Variants in C10orf71 observed in about 807,000 individuals in gnomAD.
C10orf71 encodes chromosome 10 open reading frame 71.
For missense variants in C10orf71, 1,869 were observed against 1,804.5 expected (o/e 1.04, Z -0.65); for synonymous variants, 758 against 726.3 (o/e 1.04, Z -0.70).
intron 2 of C10orf71, among the ~76,000 whole-genome samples, chr10:49,319,765 TG>T (rs1849064271): frequency 6.3e-5 from 2 of 31,716 alleles, no homozygotes; most frequent in Non-Finnish European, 1.3e-4. Context: ...TATATGTATA[TG>T]TATATCACAC....
chr10:49,315,025 C>T (rs765787420), intron 1 of C10orf71, among the ~76,000 whole-genome samples: 2 of 152,042 alleles, frequency 1.3e-5, no homozygotes, highest in Non-Finnish European at 2.9e-5. Flanking sequence ...ATATGGGTCA[C>T]GATGTATGAA....
intron 1 of C10orf71, among the ~76,000 whole-genome samples, chr10:49,303,879 T>C (rs957168118): frequency 2.0e-5 from 3 of 152,216 alleles, no homozygotes; most frequent in Non-Finnish European, 4.4e-5. Context: ...TGAGCCGCCT[T>C]ACCCCTGCTG....
intron 1 of C10orf71, among the ~76,000 whole-genome samples, chr10:49,306,943 A>G (rs1214888285): frequency 3.3e-5 from 5 of 152,316 alleles, no homozygotes; most frequent in Non-Finnish European, 1.5e-5. Context: ...AAGGAGGTGC[A>G]AGGGTAAGAA....
At chr10:49,298,893 T>C (rs1848677982), upstream of C10orf71, 1 of 152,216 alleles carries the variant, frequency 6.6e-6, no homozygotes, top group Non-Finnish European at 1.5e-5. Context: ...CTCTGGGCTC[T>C]GGCTCCAAGG....
intron 2 of C10orf71, among the ~76,000 whole-genome samples, chr10:49,317,008 T>C (rs771419192): frequency 3.9e-5 from 6 of 152,222 alleles, no homozygotes; most frequent in Admixed American, 6.5e-5. Flanking sequence ...TGACTCTATC[T>C]AAGCTTCTAA....
chr10:49,302,122 T>C (rs1848739159), intron 1 of C10orf71, among the ~76,000 whole-genome samples: 1 of 152,116 alleles, frequency 6.6e-6, no homozygotes, highest in Admixed American at 6.5e-5. Context: ...AAGGGGAGGC[T>C]CTCCAATTTG....
intron 1 of C10orf71, among the ~76,000 whole-genome samples, chr10:49,315,155 CAG>C (rs1237087582): frequency 1.3e-5 from 2 of 152,174 alleles, no homozygotes; most frequent in Non-Finnish European, 2.9e-5. Context: ...GTGGTAGACA[CAG>C]AGCACCTCTG....
Position 49,327,144 on chromosome 10 carries a change from CCCTT to C in C10orf71, c.*295_*298del. ...TCTACTCCAGCCCTTCTCCCTCCCT[CCCTT>C]CCTCCCTCTCCTGGCCCACCCTGCT... On this transcript the variant is annotated 3_prime_UTR_variant, in exon 3 of 3. Coordinates refer to ENST00000374144, the MANE Select transcript of C10orf71 (RefSeq NM_001135196.2). 1 of 966,648 alleles carries C rather than the reference CCCTT, an allele frequency of 1.0e-6. No individual in the cohort carries two copies. Among genetic ancestry groups the C allele is most frequent in the South Asian group, 1.6e-5 (1 of 61,026 alleles). The allele number at this position is 966,648 out of a possible 1,614,324, so 59.9% of individuals were successfully genotyped here.
chr10:49,311,647 T>C (rs1384080872), intron 1 of C10orf71, among the ~76,000 whole-genome samples: 1 of 152,066 alleles, frequency 6.6e-6, no homozygotes, highest in Non-Finnish European at 1.5e-5. Context: ...ATGTAAGTGA[T>C]AAAAAGGGAA....
intron 2 of C10orf71, among the ~76,000 whole-genome samples, chr10:49,317,925 A>G (rs1352634569): frequency 1.3e-5 from 2 of 152,192 alleles, no homozygotes; most frequent in African/African-American, 2.4e-5. Context: ...AGGGAAGATG[A>G]TGTGAAGACA....
intron 1 of C10orf71, among the ~76,000 whole-genome samples, chr10:49,306,020 A>G (rs1409292604): frequency 6.6e-6 from 1 of 152,228 alleles, no homozygotes; most frequent in Non-Finnish European, 1.5e-5. Context: ...CCATGATGTA[A>G]ATGCATTTCT....
At chr10:49,297,213 C>G (rs1426271047), upstream of C10orf71, among the ~76,000 whole-genome samples, 6 of 152,224 alleles carry the variant, frequency 3.9e-5, no homozygotes, top group African/African-American at 1.4e-4. Flanking sequence ...AGACCAGCGG[C>G]CCTGCCGAAG....
Position 49,324,240 on chromosome 10 carries a change from C to T in C10orf71, c.1695C>T (p.Pro565=). 2 of 1,613,958 alleles carry T rather than the reference C, an allele frequency of 1.2e-6. No homozygotes were observed. The highest frequency in any genetic ancestry group is 1.7e-6 in the Non-Finnish European group (2 of 1,179,880). The change falls in exon 3 of 3, where the codon CCC becomes CCT. Residue 565 remains proline (P), a synonymous_variant. Transcript: ENST00000374144. ...ELSKERPADD[P]TASHINPQKD... ...CTAAGGAGAGACCCGCTGATGACCC[C>T]ACTGCATCACACATCAATCCCCAGA...
chr10:49,322,114 G>T (rs758291736), intron 2 of C10orf71, among the ~76,000 whole-genome samples: 1 of 152,022 alleles, frequency 6.6e-6, no homozygotes, highest in African/African-American at 2.4e-5. Context: ...TGTTGCTTGC[G>T]AACTCAGTCT....
At chr10:49,309,913 T>C (rs1321599072) in intron 1 of C10orf71, among the ~76,000 whole-genome samples, 1 of 152,250 alleles carries the variant, frequency 6.6e-6, no homozygotes, top group African/African-American at 2.4e-5. Flanking sequence ...ATCTCCACTG[T>C]CTTCCTGTTT....
rs1849242651 is a variant in C10orf71 at position 49,326,287 on chromosome 10, T to C, written c.3742T>C (p.Ser1248Pro). Reference protein sequence around the residue: ...LPPPVHRHSVSGFSEPVGRRP... With the variant: ...LPPPVHRHSVPGFSEPVGRRP... ...CCCTCCCGTGCACCGCCACTCCGTG[T>C]CCGGCTTCTCGGAGCCTGTCGGGAG... The change falls in exon 3 of 3, where the codon TCC (serine) becomes CCC (proline). Residue 1248 changes from serine (S) to proline (P), a missense_variant. Transcript: ENST00000374144. The C allele has an allele frequency of 1.3e-6, 2 of 1,550,048 alleles. No individual in the cohort carries two copies. The highest frequency in any genetic ancestry group is 1.4e-5 in the African/African-American group (1 of 73,164).
intron 1 of C10orf71, among the ~76,000 whole-genome samples, chr10:49,314,683 T>A (rs1432762041): frequency 6.6e-6 from 1 of 152,158 alleles, no homozygotes; most frequent in Non-Finnish European, 1.5e-5. Flanking sequence ...TTCATCCTCA[T>A]CCCTAAGTCA....
rs911075478 is a variant in C10orf71, at chr10:49,325,237, G to A, written c.2692G>A (p.Glu898Lys). Residue 898 changes from glutamate to lysine, a missense_variant, in exon 3 of 3, where the codon GAA (glutamate) becomes AAA (lysine). Physicochemically the swap from Glu to Lys is moderately conservative, Grantham distance 56 (BLOSUM62 1). Coordinates refer to ENST00000374144, the MANE Select transcript of C10orf71 (RefSeq NM_001135196.2). Reference sequence around the variant, plus strand: ...CAAAGAGGAGGAATTGCCAAGGCCAGAATGGGGTGAGGATCCTGGGTTTTG... The same window carrying A: ...CAAAGAGGAGGAATTGCCAAGGCCAAAATGGGGTGAGGATCCTGGGTTTTG... ...GHKEEELPRP[E>K]WGEDPGFCAP... is the part of the protein sequence containing the mutation. 1.3e-6 allele frequency: 2 copies of A among 1,551,806 alleles called. No homozygotes were observed. The highest frequency in any genetic ancestry group is 3.9e-5 in the Admixed American group (2 of 50,992).
chr10:49,323,138 T>C lies in C10orf71; in HGVS notation c.593T>C (p.Val198Ala). Residue 198 changes from valine to alanine, a missense_variant, in exon 3 of 3, where the codon GTG becomes GCG. Transcript: ENST00000374144. Reference protein sequence around the residue: ...FDSAFLTVRRVPAEVSNTHQN... With the variant: ...FDSAFLTVRRAPAEVSNTHQN... ...TCTGCCTTTCTGACAGTCAGGAGGG[T>C]GCCCGCTGAAGTTTCCAACACCCAT... 6.2e-7 allele frequency: 1 copy of C among 1,613,734 alleles called. No homozygotes were observed. The highest frequency in any genetic ancestry group is 1.3e-5 in the African/African-American group (1 of 74,910).
Sources: allele counts gnomAD v4.1 joint callset (sites outside exome capture counted in the v4.1 genomes callset), GRCh38; gene constraint gnomAD v4.1.1; transcripts MANE v1.5; gene names NCBI Gene and HGNC (gene_info 2026-07-23, HGNC 2026-07-21).